Variants in SLC20A2 observed in about 807,000 individuals in gnomAD.
SLC20A2 encodes sodium-dependent phosphate transporter 2.
A neutral mutation model predicts 61.0 loss-of-function variants in SLC20A2; 30 were observed. The observed-to-expected ratio is 0.49, with a 90% CI of 0.37 to 0.67. The LOEUF (loss-of-function observed/expected upper bound fraction) is 0.67, where lower values mean the gene tolerates loss of function less well. Among genes scored for constraint, SLC20A2 ranks in the 30% least tolerant of loss-of-function variants. The pLI, the probability that SLC20A2 is intolerant of heterozygous loss-of-function variation, is 0.00. For synonymous variants in SLC20A2, 351 were observed against 353.3 expected (o/e 0.99, Z 0.07); for missense variants, 626 against 866.4 (o/e 0.72, Z 3.48).
intron 10 of SLC20A2, among the ~76,000 whole-genome samples, chr8:42,428,452 A>G (rs1288896791): frequency 1.3e-5 from 2 of 152,248 alleles, no homozygotes; most frequent in African/African-American, 4.8e-5. Context: ...TGCCCAGCGC[A>G]CACAGGATGC....
intron 1 of SLC20A2, among the ~76,000 whole-genome samples, chr8:42,526,386 A>G (rs1586271005): frequency 6.6e-6 from 1 of 152,012 alleles, no homozygotes; most frequent in Admixed American, 6.6e-5. Flanking sequence ...TAGAAACATC[A>G]CAGCCGGCTG....
intron 1 of SLC20A2, among the ~76,000 whole-genome samples, chr8:42,494,426 A>C (rs965785164): frequency 2.0e-5 from 3 of 152,190 alleles, no homozygotes; most frequent in Non-Finnish European, 2.9e-5. Flanking sequence ...TGAAGAAAAA[A>C]ATTAACATAC....
chr8:42,430,503 C>T (rs1391005380), intron 8 of SLC20A2, among the ~76,000 whole-genome samples: 4 of 152,094 alleles, frequency 2.6e-5, no homozygotes, highest in Non-Finnish European at 4.4e-5. Context: ...ATTGAGACTA[C>T]AGCCGCGGGC....
Position 42,437,423 on chromosome 8 carries a change from G to A in SLC20A2, c.1089C>T (p.Ile363=). ...CTGGCTTCTCCTCGGGGCCCCTGTC[G>A]ATGTGGATTTTGTGCAGCAGATCTT... ...LYKDLLHKIH[I]DRGPEEKPAQ... The change falls in exon 8 of 11, where the codon ATC becomes ATT. Residue 363 remains isoleucine (I), a synonymous_variant. Transcript: ENST00000520262. This position sits in a 1 kb window ranked among gnomAD's most constrained non-coding sequence, Gnocchi z 6.4. 1 of 1,614,138 alleles carries A rather than the reference G, an allele frequency of 6.2e-7. No individual in the cohort carries two copies. The highest frequency in any genetic ancestry group is 1.7e-5 in the Admixed American group (1 of 60,022).
At chr8:42,459,249 A>C (rs992717411) in intron 5 of SLC20A2, among the ~76,000 whole-genome samples, 76 of 137,466 alleles carry the variant, frequency 5.5e-4, no homozygotes, top group African/African-American at 2.2e-3. Context: ...AAAAAAAAAA[A>C]AAAAAAAAAA....
intron 1 of SLC20A2, among the ~76,000 whole-genome samples, chr8:42,481,323 C>G (rs7820678): frequency 0.5 from 76,290 of 151,934 alleles, 21,414 homozygotes; most frequent in African/African-American, 0.77. Context: ...TAAATGCACT[C>G]TCTCCTTCCC....
At position 42,439,562 on chromosome 8, in the gene SLC20A2, T is replaced by TC; in HGVS notation, c.821_822insG (p.Pro275ThrfsTer6). ...TGTCATCATTAGCCTTGGCACCTGG[T>TC]AGCTCTTTAAATACTGGGGACTCTG... On this transcript the variant is annotated frameshift_variant, in exon 7 of 11. Transcript: ENST00000520262. LOFTEE classifies it high-confidence loss of function. The TC allele has an allele frequency of 6.2e-7, 1 of 1,614,196 alleles. No individual in the cohort carries two copies. Among genetic ancestry groups the TC allele is most frequent in the South Asian group, 1.1e-5 (1 of 91,082 alleles).
chr8:42,480,106 G>A (rs1398986498), intron 1 of SLC20A2, among the ~76,000 whole-genome samples: 1 of 152,196 alleles, frequency 6.6e-6, no homozygotes. Flanking sequence ...TCTAAAAGAT[G>A]AAATATTAGG....
intron 1 of SLC20A2, among the ~76,000 whole-genome samples, chr8:42,510,904 C>T (rs1160845796): frequency 2.6e-5 from 4 of 151,496 alleles, no homozygotes; most frequent in Admixed American, 2.6e-4. Flanking sequence ...AGAAAATATA[C>T]ATATAATATA....
chr8:42,435,277 G>A (rs980238592), intron 8 of SLC20A2, among the ~76,000 whole-genome samples: 10 of 152,188 alleles, frequency 6.6e-5, no homozygotes, highest in Non-Finnish European at 1.3e-4. Context: ...GCTGCACGTG[G>A]GGAGGCAGTG....
At chr8:42,491,100 TAA>T (rs1328408279) in intron 1 of SLC20A2, among the ~76,000 whole-genome samples, 5 of 152,174 alleles carry the variant, frequency 3.3e-5, no homozygotes, top group African/African-American at 9.7e-5. Context: ...CTTCCTCTTA[TAA>T]AAGTCACCCT....
At chr8:42,487,001 G>A (rs1180345587) in intron 1 of SLC20A2, among the ~76,000 whole-genome samples, 4 of 151,714 alleles carry the variant, frequency 2.6e-5, no homozygotes, top group African/African-American at 9.7e-5. Context: ...CGGGTAGCTG[G>A]GATTACAGAC....
chr8:42,419,307 C>T (rs1354355375), intron 10 of SLC20A2, among the ~76,000 whole-genome samples: 2 of 152,074 alleles, frequency 1.3e-5, no homozygotes, highest in Non-Finnish European at 2.9e-5. Flanking sequence ...TGGTGGCTCA[C>T]GCCTGTAATC....
At chr8:42,448,450 C>G (rs957614207) in intron 5 of SLC20A2, among the ~76,000 whole-genome samples, 9 of 152,178 alleles carry the variant, frequency 5.9e-5, no homozygotes, top group Admixed American at 2.0e-4. Flanking sequence ...ACGCCAGGCT[C>G]CCAGCAGGGT....
At position 42,517,316 on chromosome 8, in the gene SLC20A2, C is replaced by T. The variant is rs371206465; in HGVS notation, c.-265+24505G>A. Among the ~76,000 whole-genome samples, 103 of 148,848 alleles carry T rather than the reference C, an allele frequency of 6.9e-4. 3 individuals carry two copies. In the South Asian group the frequency reaches 0.021, roughly 31 times the overall value. ...CTGGGAAGTTGAGGCCGCAGTGGGC[C>T]GTGTTCGTGCCACTGCACTCCAGCC... On this transcript the variant is annotated intron_variant, in intron 1 of 10. Transcript: ENST00000342228.
chr8:42,454,428 T>A (rs1805977267), intron 5 of SLC20A2, among the ~76,000 whole-genome samples: 5 of 152,160 alleles, frequency 3.3e-5, no homozygotes. Context: ...TCTCAGGGAC[T>A]ATAGTGTCCC....
intron 4 of SLC20A2, among the ~76,000 whole-genome samples, chr8:42,461,331 C>T (rs899502977): frequency 3.9e-5 from 6 of 152,094 alleles, no homozygotes; most frequent in African/African-American, 1.2e-4. Context: ...TGACCTATGC[C>T]GTTTCCATGG....
chr8:42,492,512 A>C (rs1809598445), intron 1 of SLC20A2, among the ~76,000 whole-genome samples: 1 of 152,258 alleles, frequency 6.6e-6, no homozygotes, highest in Admixed American at 6.5e-5. Context: ...CATAAAAAGA[A>C]GAGCATTCCT....
chr8:42,520,750 C>CAAAAAAAAA (rs1215077479), intron 1 of SLC20A2, among the ~76,000 whole-genome samples: 1 of 86,344 alleles, frequency 1.2e-5, no homozygotes, highest in Non-Finnish European at 2.8e-5. Flanking sequence ...AAAAACAAAC[C>CAAAAAAAAA]AAAAAAAAAA....
Sources: gnomAD v4.1 joint callset for allele counts (sites outside exome capture counted in the v4.1 genomes callset) on GRCh38, gnomAD v4.1.1 for gene constraint, Gnocchi (gnomAD v3.1) non-coding constraint, MANE v1.5 for transcripts, NCBI Gene and HGNC (gene_info 2026-07-23, HGNC 2026-07-21) for gene names.